Variants in AGL observed in about 807,000 individuals in gnomAD.
AGL encodes the protein amylo-alpha-1,6-glucosidase and 4-alpha-glucanotransferase, also known as glycogen debranching enzyme.
A neutral mutation model predicts 199.3 loss-of-function variants in AGL; 128 were observed. The ratio of observed to expected loss-of-function variants is 0.64; its 90% CI spans 0.56 to 0.74. The LOEUF (loss-of-function observed/expected upper bound fraction) is 0.74. Ranked by LOEUF, AGL falls within the 30% of genes least tolerant of loss-of-function variation. The pLI is 0.00. For synonymous variants in AGL, 584 were observed against 594.7 expected (o/e 0.98, Z 0.26); for missense variants, 1,809 against 1,820.8 (o/e 0.99, Z 0.12).
Position 99,880,017 on chromosome 1 carries a change from C to A in AGL, c.1706C>A (p.Thr569Asn). Residue 569 changes from threonine to asparagine, a missense_variant, in exon 13 of 34, where the codon ACT becomes AAT. Transcript: ENST00000361915. ...GAAGATCTGGACAATGTCTTTGTTA[C>A]TAGACTGGGCATTAGTTCCTTAATA... The part of the protein sequence containing the change: ...GSEDLDNVFV[T>N]RLGISSLIRE... The A allele has an allele frequency of 6.2e-7, 1 of 1,613,568 alleles. No individual in the cohort carries two copies. Among genetic ancestry groups the A allele is most frequent in the Non-Finnish European group, 8.5e-7 (1 of 1,179,662 alleles).
At chr1:99,856,356 C>T (rs1278217507) in intron 2 of AGL, among the ~76,000 whole-genome samples, 2 of 102,450 alleles carry the variant, frequency 2.0e-5, no homozygotes, top group African/African-American at 3.1e-5. Flanking sequence ...CCCTCCCTCC[C>T]TCCCTCCCTT....
chr1:99,864,350 GT>G (rs1557749287), intron 4 of AGL, 35 bp from the exon 5 acceptor site: 1 of 1,555,104 alleles, frequency 6.4e-7, no homozygotes. Flanking sequence ...TTGTTTGTTT[GT>G]TTTTACAGTG....
At chr1:99,902,851 G>A in intron 27 of AGL, 57 bp downstream of exon 27, 1 of 1,310,072 alleles carries the variant, frequency 7.6e-7, no homozygotes, top group Non-Finnish European at 1.1e-6. Flanking sequence ...ATTAAACCTT[G>A]CAATTGTTCA....
chr1:99,891,883 G>A lies in AGL; in HGVS notation c.3083+144G>A, dbSNP rs946806288. 9 of 910,568 alleles carry A rather than the reference G, an allele frequency of 9.9e-6. No individual in the cohort carries two copies. In the African/African-American group the frequency reaches 1.3e-4, roughly 13 times the overall value. The allele number at this position is 910,568 out of a possible 1,614,324, so 56.4% of individuals were successfully genotyped here. On this transcript the variant is annotated intron_variant, in intron 23 of 33. Coordinates refer to ENST00000361915, the MANE Select transcript of AGL (RefSeq NM_000642.3). ...TTGTAGGTGGATAGTAAATTTATTA[G>A]CATCCTTTAGTCTGTGTAGCATACA...
rs1170681237 is a variant in AGL at position 99,851,003 on chromosome 1, T to C, written c.-40T>C. The C allele has an allele frequency of 1.3e-6, 2 of 1,537,210 alleles. No homozygotes were observed. The highest frequency in any genetic ancestry group is 1.8e-6 in the Non-Finnish European group (2 of 1,110,252). On this transcript the variant is annotated 5_prime_UTR_variant, in exon 2 of 34. Transcript: ENST00000361915. ...TAACTCATTCGACTGTGGAGTTCTT[T>C]TAATTCTTATGAAAGATTTCAAATC... is the stretch of plus-strand genomic sequence containing the variant.
chr1:99,912,292 T>A, intron 28 of AGL, 113 bp from the exon 29 acceptor site: 1 of 822,976 alleles, frequency 1.2e-6, no homozygotes, highest in African/African-American at 1.7e-5. Flanking sequence ...AAGGATTTTT[T>A]AATAGTTTTC....
intron 33 of AGL, among the ~76,000 whole-genome samples, chr1:99,918,113 T>C (rs1655265806): frequency 6.6e-6 from 1 of 152,224 alleles, no homozygotes; most frequent in African/African-American, 2.4e-5. Flanking sequence ...CTTATAAGTG[T>C]AAAACATCTG....
At position 99,853,433 on chromosome 1, in the gene AGL, C is replaced by A. The variant is rs116753813; in HGVS notation, c.82+2309C>A. On this transcript the variant is annotated intron_variant, in intron 2 of 33. Coordinates refer to ENST00000361915, the MANE Select transcript of AGL (RefSeq NM_000642.3). Reference sequence around the variant, plus strand: ...TATGTGTTGCCTAAGTTTCAACTTTCAGCTAGAATATCACCTCCTTTGTGA... The same window carrying A: ...TATGTGTTGCCTAAGTTTCAACTTTAAGCTAGAATATCACCTCCTTTGTGA... 2.7e-3 allele frequency among the ~76,000 whole-genome samples: 414 copies of A among 152,342 alleles called. 1 individual carries two copies. Among genetic ancestry groups the A allele is most frequent in the Non-Finnish European group, 5.1e-3 (347 of 68,034 alleles).
intron 5 of AGL, among the ~76,000 whole-genome samples, chr1:99,868,940 T>TTA (rs1286449183): frequency 1.3e-5 from 2 of 151,536 alleles, no homozygotes; most frequent in African/African-American, 4.8e-5. Flanking sequence ...CCCTCCCACC[T>TTA]TAGCCTCCTG....
intron 2 of AGL, among the ~76,000 whole-genome samples, chr1:99,852,981 G>T (rs1649105140): frequency 6.6e-6 from 1 of 151,980 alleles, no homozygotes; most frequent in Admixed American, 6.6e-5. Context: ...TGTTTATTTC[G>T]TGGCATCTCC....
chr1:99,913,851 T>G, intron 30 of AGL, 113 bp downstream of exon 30: 1 of 1,002,494 alleles, frequency 1.0e-6, no homozygotes. Flanking sequence ...AGTATATTGC[T>G]TACTAGCTAG....
At chr1:99,888,154 G>A in intron 21 of AGL, 46 bp downstream of exon 21, 2 of 1,605,314 alleles carry the variant, frequency 1.2e-6, no homozygotes, top group African/African-American at 1.3e-5. Context: ...TTCTTTTAGG[G>A]TCATCTGGTG....
intron 24 of AGL, among the ~76,000 whole-genome samples, chr1:99,893,276 T>G (rs1269152294): frequency 6.6e-6 from 1 of 152,164 alleles, no homozygotes; most frequent in Non-Finnish European, 1.5e-5. Flanking sequence ...TCTGTGTAAT[T>G]CCCTCTTTTA....
intron 2 of AGL, among the ~76,000 whole-genome samples, chr1:99,857,807 G>GAGGA (rs1202530130): frequency 7.0e-6 from 1 of 142,242 alleles, no homozygotes; most frequent in Admixed American, 6.9e-5. Flanking sequence ...CCGTGGGGAG[G>GAGGA]GGGAGGGGGG....
intron 27 of AGL, among the ~76,000 whole-genome samples, chr1:99,907,693 G>GTTTTTTTTTGTTTTTTT (rs71075465): frequency 3.4e-5 from 4 of 118,944 alleles, no homozygotes; most frequent in Admixed American, 9.2e-5. Context: ...TTTGTTTTTT[G>GTTTTTTTTTGTTTTTTT]TTTTTTTTGC....
Position 99,881,404 on chromosome 1 carries a change from T to C in AGL, c.2114T>C (p.Ile705Thr), listed in dbSNP as rs776037609. ...GGCATTATTGCAGCCAGGTGTGCTA[T>C]CAGTAAACTTCATCAGGAGCTTGGA... ...QSGIIAARCA[I>T]SKLHQELGAK... Residue 705 changes from isoleucine (I) to threonine (T), a missense_variant, in exon 16 of 34, where the codon ATC becomes ACC. Physicochemically the swap from Ile to Thr is moderately conservative, Grantham distance 89. Transcript: ENST00000361915. The C allele has an allele frequency of 1.2e-5, 20 of 1,614,010 alleles. No homozygotes were observed. The highest frequency in any genetic ancestry group is 1.6e-5 in the Non-Finnish European group (19 of 1,180,012).
chr1:99,896,281 G>T lies in AGL; in HGVS notation c.3260-5G>T, dbSNP rs746869422. 6.2e-7 allele frequency: 1 copy of T among 1,608,344 alleles called. No individual in the cohort carries two copies. The highest frequency in any genetic ancestry group is 8.5e-7 in the Non-Finnish European group (1 of 1,175,246). ...CATATTACTTTGTTGTGTTTTTTTTGTTAGGCTTACCTCATTTTTCTTCTG... is the reference window on the plus strand; with the variant it reads ...CATATTACTTTGTTGTGTTTTTTTTTTTAGGCTTACCTCATTTTTCTTCTG... On this transcript the variant is annotated splice_region_variant and splice_polypyrimidine_tract_variant and intron_variant, in intron 24 of 33. Transcript: ENST00000361915.
intron 4 of AGL, among the ~76,000 whole-genome samples, chr1:99,862,745 A>G (rs1650161159): frequency 6.6e-6 from 1 of 151,838 alleles, no homozygotes; most frequent in African/African-American, 2.4e-5. Context: ...TCTTGTGAAA[A>G]CTCACTCACT....
Position 99,875,472 on chromosome 1 carries a change from T to C in AGL, c.1283+17T>C. ...AGTTACCAGGTGTTGCATTTTTGTT[T>C]TTTTTCTTATTGATGGTTGAAAACT... is the stretch of plus-strand genomic sequence containing the variant. On this transcript the variant is annotated intron_variant, in intron 10 of 33. Transcript: ENST00000361915. 1 of 1,606,082 alleles carries C rather than the reference T, an allele frequency of 6.2e-7. No homozygotes were observed. Among genetic ancestry groups the C allele is most frequent in the South Asian group, 1.1e-5 (1 of 90,880 alleles).
Sources: allele counts gnomAD v4.1 joint callset (sites outside exome capture counted in the v4.1 genomes callset), GRCh38; gene constraint gnomAD v4.1.1; transcripts MANE v1.5; gene names NCBI Gene and HGNC (gene_info 2026-07-23, HGNC 2026-07-21).